Variants in TRMT11 observed in about 807,000 individuals in gnomAD.
TRMT11 encodes tRNA methyltransferase 11.
A neutral mutation model predicts 62.8 loss-of-function variants in TRMT11; 53 were observed. That is an observed-to-expected ratio of 0.84 (90% CI 0.68 to 1.06). The LOEUF is 1.06. Ranked by LOEUF, TRMT11 falls within the 50% of genes least tolerant of loss-of-function variation. The pLI is 0.00. For synonymous variants in TRMT11, 188 were observed against 190.3 expected (o/e 0.99, Z 0.10); for missense variants, 556 against 553.4 (o/e 1.00, Z -0.05).
chr6:126,082,071 G>T (rs114905372), intron 17 of TRMT11, among the ~76,000 whole-genome samples: 65 of 152,248 alleles, frequency 4.3e-4, no homozygotes, highest in African/African-American at 1.4e-3. Context: ...AGCGTTGTCT[G>T]ATGCACCTAG....
At position 126,138,694 on chromosome 6, in the gene TRMT11, T is replaced by C. The variant is rs1460402956; in HGVS notation, c.*1823+22839T>C. Among the ~76,000 whole-genome samples, 3 of 152,212 alleles carry C rather than the reference T, an allele frequency of 2.0e-5. No individual in the cohort carries two copies. In the East Asian group the frequency reaches 5.8e-4, roughly 29 times the overall value. ...CTTCTAAAATGTACAAAAAGGAATCTGTTTGACATTTCTGAGAAATAGAGG... is the reference window on the plus strand; with the variant it reads ...CTTCTAAAATGTACAAAAAGGAATCCGTTTGACATTTCTGAGAAATAGAGG... On this transcript the variant is annotated intron_variant and NMD_transcript_variant, in intron 21 of 22. Coordinates refer to the TRMT11 transcript ENST00000648977.
At chr6:126,112,005 G>A (rs539275173) in intron 17 of TRMT11, among the ~76,000 whole-genome samples, 8 of 152,170 alleles carry the variant, frequency 5.3e-5, no homozygotes, top group East Asian at 3.9e-4. Flanking sequence ...CTCCATTTCT[G>A]TCTCTTCTAA....
intron 17 of TRMT11, among the ~76,000 whole-genome samples, chr6:126,091,808 G>A (rs1056358346): frequency 1.2e-4 from 18 of 152,258 alleles, no homozygotes; most frequent in Admixed American, 5.2e-4. Context: ...AAAGAATGCC[G>A]TGCAGCTTGA....
At position 125,998,102 on chromosome 6, in the gene TRMT11, A is replaced by C; in HGVS notation, c.262A>C (p.Ser88Arg). ...TGGACAATCTCCTGAGGAGCTGTAC[A>C]GTTCTCTTAAAAACTACCCTGTGGA... ...GHGQSPEELYSSLKNYPVEKM... is the reference protein window; with the variant it reads ...GHGQSPEELYRSLKNYPVEKM... The change falls in exon 4 of 13, where the codon AGT becomes CGT. Residue 88 changes from serine (S) to arginine (R), a missense_variant. Physicochemically the swap from Ser to Arg is moderately radical, Grantham distance 110. Coordinates refer to ENST00000334379, the MANE Select transcript of TRMT11 (RefSeq NM_001031712.3). 1.2e-6 allele frequency: 2 copies of C among 1,613,798 alleles called. No homozygotes were observed. The highest frequency in any genetic ancestry group is 1.7e-6 in the Non-Finnish European group (2 of 1,179,790).
chr6:126,102,039 C>T (rs776158101), intron 17 of TRMT11, among the ~76,000 whole-genome samples: 32 of 152,122 alleles, frequency 2.1e-4, no homozygotes, highest in Admixed American at 3.9e-4. Context: ...AGATGTAGTG[C>T]GTTCTAAATT....
intron 17 of TRMT11, among the ~76,000 whole-genome samples, chr6:126,096,656 AG>A (rs2128173798): frequency 6.6e-6 from 1 of 152,182 alleles, no homozygotes; most frequent in East Asian, 1.9e-4. Context: ...TCTGTAAGTC[AG>A]GATGAGTCTT....
chr6:126,209,931 C>T, the TRMT11 span, among the ~76,000 whole-genome samples: 5 of 152,190 alleles, frequency 3.3e-5, no homozygotes, highest in East Asian at 1.9e-4. Flanking sequence ...TTAGGCTCTA[C>T]GCTCTTCTCA....
At position 126,167,691 on chromosome 6, in the gene TRMT11, G is replaced by T. The variant is rs1778284501; in HGVS notation, c.*1824-7134G>T. On this transcript the variant is annotated intron_variant and NMD_transcript_variant, in intron 21 of 22. Coordinates refer to the TRMT11 transcript ENST00000648977. Reference sequence around the variant, plus strand: ...ATGCTCTTATGTGTGTGTATATGGTGTGTGTCTGTATTTGTGCCTATGGAT... The same window carrying T: ...ATGCTCTTATGTGTGTGTATATGGTTTGTGTCTGTATTTGTGCCTATGGAT... Among the ~76,000 whole-genome samples, 5 of 152,232 alleles carry T rather than the reference G, an allele frequency of 3.3e-5. No individual in the cohort carries two copies. The South Asian group carries it at 1.0e-3, about 31-fold the overall frequency.
At chr6:126,185,802 G>A (rs1778520237) in intron 1 of TRMT11, among the ~76,000 whole-genome samples, 1 of 152,132 alleles carries the variant, frequency 6.6e-6, no homozygotes, top group South Asian at 2.1e-4. Flanking sequence ...TACAATCATG[G>A]TGGAAGGCAC....
Position 126,147,991 on chromosome 6 carries a change from A to G in TRMT11, c.*1824-26834A>G, listed in dbSNP as rs943053568. 3.9e-5 allele frequency among the ~76,000 whole-genome samples: 6 copies of G among 152,272 alleles called. No homozygotes were observed. The South Asian group carries it at 8.3e-4, about 21-fold the overall frequency. On this transcript the variant is annotated intron_variant and NMD_transcript_variant, in intron 21 of 22. Coordinates refer to the TRMT11 transcript ENST00000648977. ...CAGCAAACCACCATGGCACATGTAT[A>G]CTTATGTAACAAACCTGCATGTTCT...
chr6:126,258,095 G>T, the TRMT11 span: 1 of 1,022,014 alleles, frequency 9.8e-7, no homozygotes, highest in Non-Finnish European at 1.5e-6. Context: ...CCAGTTCTGG[G>T]ATCTCCTTTT....
At chr6:125,997,850 T>C (rs1791807191) in intron 3 of TRMT11, among the ~76,000 whole-genome samples, 1 of 152,234 alleles carries the variant, frequency 6.6e-6, no homozygotes, top group South Asian at 2.1e-4. Context: ...ATTAGTCTTT[T>C]TGTATTATGG....
intron 17 of TRMT11, among the ~76,000 whole-genome samples, chr6:126,093,392 A>G (rs1259709812): frequency 4.0e-5 from 6 of 151,096 alleles, no homozygotes; most frequent in African/African-American, 1.5e-4. Flanking sequence ...TTGAAATTTT[A>G]AGGTAAATTG....
At chr6:126,092,463 C>G (rs1375824325) in intron 17 of TRMT11, among the ~76,000 whole-genome samples, 20 of 152,148 alleles carry the variant, frequency 1.3e-4, no homozygotes, top group African/African-American at 4.8e-4. Context: ...ACCATGAGAA[C>G]AGTATGGGGG....
the TRMT11 span, among the ~76,000 whole-genome samples, chr6:126,232,677 AT>A: frequency 6.6e-6 from 1 of 152,158 alleles, no homozygotes; most frequent in Non-Finnish European, 1.5e-5. Context: ...TCTCACTTAG[AT>A]GCTTTTCCCA....
chr6:126,026,543 T>A (rs1264152568), intron 12 of TRMT11, among the ~76,000 whole-genome samples: 1 of 150,266 alleles, frequency 6.7e-6, no homozygotes, highest in East Asian at 2.0e-4. Flanking sequence ...TGTGCCACCA[T>A]GCCCAGCTAA....
intron 7 of TRMT11, among the ~76,000 whole-genome samples, chr6:126,007,537 A>AG (rs1480439097): frequency 1.3e-5 from 2 of 151,976 alleles, no homozygotes; most frequent in Non-Finnish European, 2.9e-5. Context: ...GATTAAAAAA[A>AG]GTGAATTTAA....
At chr6:126,034,566 A>G (rs1206072225) in intron 12 of TRMT11, among the ~76,000 whole-genome samples, 1 of 152,152 alleles carries the variant, frequency 6.6e-6, no homozygotes, top group African/African-American at 2.4e-5. Flanking sequence ...CTTAATTACT[A>G]TCAATGGTTA....
At chr6:126,235,759 A>G in the TRMT11 span, among the ~76,000 whole-genome samples, 1 of 152,174 alleles carries the variant, frequency 6.6e-6, no homozygotes, top group African/African-American at 2.4e-5. Flanking sequence ...ATGCTGGCTT[A>G]ATACCTAGGA....
Sources: allele counts gnomAD v4.1 joint callset (sites outside exome capture counted in the v4.1 genomes callset), GRCh38; gene constraint gnomAD v4.1.1; transcripts MANE v1.5; gene names NCBI Gene and HGNC (gene_info 2026-07-23, HGNC 2026-07-21).